The following RAB3C variants were observed in gnomAD, a reference collection of about 807,000 sequenced individuals.
RAB3C encodes the protein ras-related protein Rab-3C.
Under a neutral mutation model 26.4 loss-of-function variants are expected in RAB3C, and 17 were observed. That is an observed-to-expected ratio of 0.64 (90% CI 0.44 to 0.97). The LOEUF (loss-of-function observed/expected upper bound fraction) is 0.97. RAB3C is among the 50% of genes least tolerant of loss of function. RAB3C has a pLI of 0.00. For missense variants in RAB3C, 242 were observed against 281.9 expected, an observed-to-expected ratio of 0.86 and a Z score of 1.01; for synonymous variants, 91 against 95.9, an observed-to-expected ratio of 0.95 and a Z score of 0.30.
At chr5:58,793,352 A>AT (rs1172741125) in intron 3 of RAB3C, among the ~76,000 whole-genome samples, 1 of 152,090 alleles carries the variant, frequency 6.6e-6, no homozygotes, top group Non-Finnish European at 1.5e-5. Context: ...AGGTCAAGAG[A>AT]TCGAGACTAT....
At chr5:58,637,802 T>C (rs1045632107) in intron 2 of RAB3C, among the ~76,000 whole-genome samples, 6 of 152,156 alleles carry the variant, frequency 3.9e-5, no homozygotes, top group Non-Finnish European at 7.4e-5. Context: ...AAGGTAACTA[T>C]TTGGCATACA....
chr5:58,805,032 T>C (rs1378476060), intron 3 of RAB3C, among the ~76,000 whole-genome samples: 5 of 151,904 alleles, frequency 3.3e-5, no homozygotes, highest in African/African-American at 1.2e-4. Flanking sequence ...AAGCTTTAAT[T>C]TATTCAGATA....
intron 1 of RAB3C, among the ~76,000 whole-genome samples, chr5:58,597,308 G>A (rs1279751538): frequency 2.3e-4 from 14 of 60,386 alleles, no homozygotes; most frequent in African/African-American, 8.3e-4. Flanking sequence ...TATATAATAT[G>A]TAATACACAA....
At chr5:58,782,969 G>T (rs145314640) in intron 3 of RAB3C, among the ~76,000 whole-genome samples, 2 of 151,884 alleles carry the variant, frequency 1.3e-5, no homozygotes, top group Admixed American at 1.3e-4. Context: ...ATTCTTTCCT[G>T]GTAGGAGACT....
chr5:58,687,594 C>T (rs1359604635), intron 2 of RAB3C, among the ~76,000 whole-genome samples: 1 of 151,996 alleles, frequency 6.6e-6, no homozygotes, highest in Non-Finnish European at 1.5e-5. Context: ...TAGCAAATCA[C>T]ACCTAATAAA....
At chr5:58,738,248 TGA>T (rs1741195756) in intron 3 of RAB3C, among the ~76,000 whole-genome samples, 1 of 152,018 alleles carries the variant, frequency 6.6e-6, no homozygotes, top group Non-Finnish European at 1.5e-5. Context: ...GGCTGAACAC[TGA>T]GAGAGAAAAT....
chr5:58,630,771 A>G (rs1451887517), intron 2 of RAB3C, among the ~76,000 whole-genome samples: 3 of 152,350 alleles, frequency 2.0e-5, no homozygotes, highest in Non-Finnish European at 4.4e-5. Flanking sequence ...CATTTTCAAT[A>G]CCACTGCTCT....
At chr5:58,714,875 A>G (rs1183707852) in intron 2 of RAB3C, among the ~76,000 whole-genome samples, 1 of 152,016 alleles carries the variant, frequency 6.6e-6, no homozygotes, top group African/African-American at 2.4e-5. Flanking sequence ...ATGTCATAGA[A>G]CAAGATAGTA....
At chr5:58,736,717 G>A (rs1028171313) in intron 3 of RAB3C, among the ~76,000 whole-genome samples, 3 of 152,106 alleles carry the variant, frequency 2.0e-5, no homozygotes, top group Admixed American at 6.6e-5. Context: ...TAATAACCTC[G>A]TCTTAACTTC....
intron 1 of RAB3C, among the ~76,000 whole-genome samples, chr5:58,598,493 C>A (rs1579808698): frequency 6.6e-6 from 1 of 152,162 alleles, no homozygotes; most frequent in Middle Eastern, 3.4e-3. Context: ...ACATGAAACT[C>A]AGCTCTCTCC....
intron 3 of RAB3C, among the ~76,000 whole-genome samples, chr5:58,731,406 T>TA (rs931061197): frequency 6.6e-6 from 1 of 152,014 alleles, no homozygotes. Context: ...AAACTCAACA[T>TA]AAAAAAATGC....
At chr5:58,835,740 A>G (rs1209348892) in intron 4 of RAB3C, among the ~76,000 whole-genome samples, 2 of 151,990 alleles carry the variant, frequency 1.3e-5, no homozygotes, top group Admixed American at 6.6e-5. Context: ...TTTCTTTTTT[A>G]ACAAAAAAAA....
chr5:58,779,653 G>T (rs979708438), intron 3 of RAB3C, among the ~76,000 whole-genome samples: 3 of 151,970 alleles, frequency 2.0e-5, no homozygotes, highest in Non-Finnish European at 2.9e-5. Context: ...CTCCCAAACT[G>T]CTAGGATTAC....
At chr5:58,771,493 TA>T (rs976760996) in intron 3 of RAB3C, among the ~76,000 whole-genome samples, 2 of 152,094 alleles carry the variant, frequency 1.3e-5, no homozygotes, top group African/African-American at 2.4e-5. Context: ...CTAGGTTGCT[TA>T]AAAAACTCAC....
At chr5:58,753,051 G>T (rs1003547769) in intron 3 of RAB3C, among the ~76,000 whole-genome samples, 3 of 152,004 alleles carry the variant, frequency 2.0e-5, no homozygotes, top group African/African-American at 7.3e-5. Flanking sequence ...CAGAAAAATG[G>T]TTAATAGGAT....
rs36112075 is a variant in RAB3C at position 58,619,864 on chromosome 5, C to CTT, written c.252+2003_252+2004dup. On this transcript the variant is annotated intron_variant, in intron 2 of 4. Coordinates refer to ENST00000282878, the MANE Select transcript of RAB3C (RefSeq NM_138453.4). ...ACCAGGCCAGTGCTAATTCACTCAC[C>CTT]TTTTTTTTTTGGCATTGAAATAAGT... 1.4e-3 allele frequency among the ~76,000 whole-genome samples: 211 copies of CTT among 147,810 alleles called. 1 individual carries two copies. Among genetic ancestry groups the CTT allele is most frequent in the African/African-American group, 4.4e-3 (180 of 40,522 alleles).
chr5:58,707,248 C>T (rs1748962758), intron 2 of RAB3C, among the ~76,000 whole-genome samples: 1 of 151,988 alleles, frequency 6.6e-6, no homozygotes, highest in Non-Finnish European at 1.5e-5. Context: ...AAAAGGACAT[C>T]CAAAAATTAG....
At chr5:58,737,863 G>A (rs931260789) in intron 3 of RAB3C, among the ~76,000 whole-genome samples, 1 of 151,992 alleles carries the variant, frequency 6.6e-6, no homozygotes, top group African/African-American at 2.4e-5. Flanking sequence ...TCCCAGTAAG[G>A]TGGAGAGAAT....
intron 2 of RAB3C, among the ~76,000 whole-genome samples, chr5:58,705,555 CAT>C (rs1169974967): frequency 6.6e-6 from 1 of 152,130 alleles, no homozygotes; most frequent in Non-Finnish European, 1.5e-5. Flanking sequence ...CCAAGATAAA[CAT>C]GTGTTTCAGT....
Sources: allele counts gnomAD v4.1 joint callset (sites outside exome capture counted in the v4.1 genomes callset), GRCh38; gene constraint gnomAD v4.1.1; transcripts MANE v1.5; gene names NCBI Gene and HGNC (gene_info 2026-07-23, HGNC 2026-07-21).